The following CD8B variants were observed in gnomAD, a reference collection of about 807,000 sequenced individuals.
The protein encoded by CD8B is CD8 subunit beta.
Under a neutral mutation model 24.2 loss-of-function variants are expected in CD8B, and 6 were observed. The observed-to-expected ratio is 0.25, with a 90% confidence interval of 0.14 to 0.49. The LOEUF (loss-of-function observed/expected upper bound fraction) is 0.49, where lower values mean the gene tolerates loss of function less well. Among genes scored for constraint, CD8B ranks in the 20% least tolerant of loss-of-function variants. CD8B has a pLI of 0.98. For missense variants in CD8B, 196 were observed against 271.3 expected (o/e 0.72, Z 1.95); for synonymous variants, 84 against 108.3 (o/e 0.78, Z 1.39).
chr2:86,824,983 G>A (rs1182460108), intron 5 of CD8B, among the ~76,000 whole-genome samples: 1 of 152,166 alleles, frequency 6.6e-6, no homozygotes, highest in Non-Finnish European at 1.5e-5. Context: ...AATAAATAAT[G>A]ATGATGGCAC....
intron 5 of CD8B, 118 bp downstream of exon 5, chr2:86,844,804 G>A (rs1253064824): frequency 3.6e-5 from 56 of 1,543,602 alleles, no homozygotes; most frequent in East Asian, 1.7e-4. Context: ...TACTATGCCC[G>A]GCCGAGTCTA....
intron 5 of CD8B, among the ~76,000 whole-genome samples, chr2:86,821,332 T>G (rs150760156): frequency 6.6e-6 from 1 of 152,260 alleles, no homozygotes; most frequent in Non-Finnish European, 1.5e-5. Context: ...AAGACGCCAT[T>G]GAGCCCTGCT....
At chr2:86,853,618 G>A (rs1676084249) in intron 2 of CD8B, among the ~76,000 whole-genome samples, 1 of 152,194 alleles carries the variant, frequency 6.6e-6, no homozygotes, top group Non-Finnish European at 1.5e-5. Context: ...ATGGGGTTCA[G>A]CTTGGTGTCC....
intron 3 of CD8B, among the ~76,000 whole-genome samples, chr2:86,849,236 C>A (rs1466680205): frequency 6.6e-6 from 1 of 152,120 alleles, no homozygotes; most frequent in Non-Finnish European, 1.5e-5. Context: ...TGGGTGGCAG[C>A]CCACTGTCAC....
chr2:86,828,306 TTGTG>T (rs72236144), intron 5 of CD8B, among the ~76,000 whole-genome samples: 2,363 of 143,430 alleles, frequency 0.016, 53 homozygotes, highest in African/African-American at 0.052. Context: ...ATAACTGGAA[TTGTG>T]TGTGTGTGTG....
intron 5 of CD8B, among the ~76,000 whole-genome samples, chr2:86,825,484 C>T (rs1309187406): frequency 6.6e-6 from 1 of 152,184 alleles, no homozygotes; most frequent in East Asian, 1.9e-4. Flanking sequence ...CAGTAAACCC[C>T]AGGCACACAA....
At chr2:86,823,762 C>T (rs749157669) in intron 5 of CD8B, among the ~76,000 whole-genome samples, 21 of 152,042 alleles carry the variant, frequency 1.4e-4, no homozygotes, top group Non-Finnish European at 2.4e-4. Context: ...CTCAAGGGGA[C>T]GGTGTAGTGG....
downstream of CD8B, among the ~76,000 whole-genome samples, chr2:86,834,631 A>G (rs1164669360): frequency 1.3e-5 from 2 of 152,062 alleles, no homozygotes; most frequent in Non-Finnish European, 2.9e-5. Context: ...ATGACTAGGA[A>G]AAATTTATAA....
Position 86,840,855 on chromosome 2 carries a change from G to A in CD8B, c.*1452C>T, listed in dbSNP as rs1225837044. 6.9e-6 allele frequency among the ~76,000 whole-genome samples: 1 copy of A among 145,362 alleles called. No individual in the cohort carries two copies. Among genetic ancestry groups the A allele is most frequent in the African/African-American group, 2.5e-5 (1 of 39,268 alleles). ...GCTGCGGCCGCACCCCAGATGCCAG[G>A]AGAAGGTCACACTGCCCCTTCCCCA... On this transcript the variant is annotated 3_prime_UTR_variant, in exon 6 of 6. Coordinates refer to ENST00000390655, the MANE Select transcript of CD8B (RefSeq NM_004931.5).
intron 5 of CD8B, among the ~76,000 whole-genome samples, chr2:86,820,241 G>A (rs1674407880): frequency 6.6e-6 from 1 of 152,204 alleles, no homozygotes; most frequent in Admixed American, 6.5e-5. Context: ...TGAGAGGAGT[G>A]ACTCCAATTT....
At chr2:86,859,128 T>G (rs1676442728) in intron 1 of CD8B, among the ~76,000 whole-genome samples, 1 of 151,866 alleles carries the variant, frequency 6.6e-6, no homozygotes, top group African/African-American at 2.4e-5. Flanking sequence ...CAGGACAGGC[T>G]GGGAGAGGAG....
At chr2:86,825,124 G>A (rs529239982) in intron 5 of CD8B, among the ~76,000 whole-genome samples, 1 of 152,182 alleles carries the variant, frequency 6.6e-6, no homozygotes, top group South Asian at 2.1e-4. Context: ...AAAAGAGCAG[G>A]GGTGATGGGT....
intron 3 of CD8B, among the ~76,000 whole-genome samples, 171 bp from the exon 4 acceptor site, chr2:86,846,944 T>C (rs1221700039): frequency 2.2e-5 from 3 of 134,938 alleles, no homozygotes; most frequent in African/African-American, 5.7e-5. Context: ...TTTTTTTTTT[T>C]TTTTTTTTTT....
At chr2:86,834,488 A>ACACACACACACACACACACAC (rs199775749), downstream of CD8B, among the ~76,000 whole-genome samples, 10 of 142,202 alleles carry the variant, frequency 7.0e-5, no homozygotes, top group African/African-American at 7.8e-5. Flanking sequence ...ACACACACAC[A>ACACACACACACACACACACAC]AAAGTCTTAA....
rs1449628045 is a variant in CD8B, at chr2:86,840,053, G to A, written c.*2254C>T. Among the ~76,000 whole-genome samples the A allele has an allele frequency of 6.6e-6, 1 of 152,200 alleles. No individual in the cohort carries two copies. The highest frequency in any genetic ancestry group is 2.4e-5 in the African/African-American group (1 of 41,448). On this transcript the variant is annotated 3_prime_UTR_variant, in exon 6 of 6. Transcript: ENST00000390655. Reference sequence around the variant, plus strand: ...TTGCTGAGGCAGGAGTCTAGGGTCTGGGGGCAGGGAATCTAAGGCCAATTC... The same window carrying A: ...TTGCTGAGGCAGGAGTCTAGGGTCTAGGGGCAGGGAATCTAAGGCCAATTC...
chr2:86,832,696 G>GT (rs1229271537), intron 5 of CD8B, among the ~76,000 whole-genome samples: 1 of 151,602 alleles, frequency 6.6e-6, no homozygotes, highest in Non-Finnish European at 1.5e-5. Flanking sequence ...GTTGAGCTTT[G>GT]TAAGCTGCCC....
intron 5 of CD8B, chr2:86,844,563 A>C (rs935700824): frequency 3.9e-6 from 5 of 1,276,040 alleles, no homozygotes; most frequent in Non-Finnish European, 5.2e-6. Flanking sequence ...CTTGAAATAC[A>C]TTTAACTTAC....
chr2:86,860,524 G>C (rs920164742), intron 1 of CD8B, among the ~76,000 whole-genome samples: 11 of 152,136 alleles, frequency 7.2e-5, no homozygotes, highest in Non-Finnish European at 1.0e-4. Context: ...CAAATCCTGT[G>C]GGGGAGATAC....
chr2:86,857,994 A>G, intron 2 of CD8B, 63 bp downstream of exon 2: 2 of 1,545,974 alleles, frequency 1.3e-6, no homozygotes, highest in Non-Finnish European at 1.8e-6. Flanking sequence ...TGGTGGTCCC[A>G]GTGCCTGGCA....
Sources: allele counts gnomAD v4.1 joint callset (sites outside exome capture counted in the v4.1 genomes callset), GRCh38; gene constraint gnomAD v4.1.1; transcripts MANE v1.5; gene names NCBI Gene and HGNC (gene_info 2026-07-23, HGNC 2026-07-21).